Variants in STK39 observed in about 807,000 individuals in gnomAD.
STK39 encodes the protein serine/threonine kinase 39.
Under a neutral mutation model 77.8 loss-of-function variants are expected in STK39, and 20 were observed. The ratio of observed to expected loss-of-function variants is 0.26; its 90% CI spans 0.18 to 0.37. STK39 has a LOEUF of 0.37. Ranked by LOEUF, STK39 falls within the 10% of genes least tolerant of loss-of-function variation. The probability of loss-of-function intolerance (pLI) is 1.00; values close to 1 mark genes in which losing one functional copy is unlikely to be tolerated. For missense variants in STK39, 479 were observed against 656.5 expected, an observed-to-expected ratio of 0.73 and a Z score of 2.95; for synonymous variants, 246 against 234.1, an observed-to-expected ratio of 1.05 and a Z score of -0.47.
At position 168,236,567 on chromosome 2, in the gene STK39, G is replaced by C. The variant is rs868832366; in HGVS notation, c.208+10661C>G. On this transcript the variant is annotated intron_variant, in intron 1 of 17. Transcript: ENST00000355999. ...ATGGTATTGCCTAGGTTTTCTTCTA[G>C]GGTTTTTATGGTTTTAGGTCTAACA... 6.8e-4 allele frequency among the ~76,000 whole-genome samples: 103 copies of C among 151,090 alleles called. 1 individual carries two copies. Among genetic ancestry groups the C allele is most frequent in the Admixed American group, 6.6e-4 (10 of 15,160 alleles).
rs1043724051 is a variant in STK39 at position 167,993,800 on chromosome 2, ACCGTATGGTTTTCTGGTAGG to A, written c.1498+18814_1498+18833del. ...CAAAATGTTAAGAGTCAAGTTTTAC[ACCGTATGGTTTTCTGGTAGG>A]CATTGACTGCATTCATATAAAAACA... On this transcript the variant is annotated intron_variant, in intron 16 of 17. Coordinates refer to ENST00000355999, the MANE Select transcript of STK39 (RefSeq NM_013233.3). Among the ~76,000 whole-genome samples the A allele has an allele frequency of 4.9e-4, 75 of 152,322 alleles. 1 individual carries two copies. The highest frequency in any genetic ancestry group is 1.7e-3 in the African/African-American group (71 of 41,566).
chr2:168,050,622 G>A lies in STK39; in HGVS notation c.1376+12878C>T, dbSNP rs371623133. On this transcript the variant is annotated intron_variant, in intron 14 of 17. Transcript: ENST00000355999. ...GGCTTTGCAGATGGCAGAAGGAGCC[G>A]AGGGATGCAGGCTACCTCTACAAGC... Among the ~76,000 whole-genome samples the A allele has an allele frequency of 4.6e-5, 7 of 152,248 alleles. No homozygotes were observed. In the East Asian group the frequency reaches 7.7e-4, roughly 17 times the overall value.
intron 1 of STK39, among the ~76,000 whole-genome samples, chr2:168,202,612 G>C (rs1035883606): frequency 6.6e-6 from 1 of 152,060 alleles, no homozygotes; most frequent in African/African-American, 2.4e-5. Flanking sequence ...CAGATGGTTG[G>C]TCATGATGCT....
At chr2:168,158,146 T>G (rs1285916118) in intron 5 of STK39, among the ~76,000 whole-genome samples, 1 of 152,056 alleles carries the variant, frequency 6.6e-6, no homozygotes, top group African/African-American at 2.4e-5. Flanking sequence ...GAGTAGCCAC[T>G]CCCCCTTCTA....
intron 10 of STK39, among the ~76,000 whole-genome samples, chr2:168,081,683 T>A (rs112939113): frequency 0.017 from 2,564 of 152,256 alleles, 84 homozygotes; most frequent in African/African-American, 0.057. Flanking sequence ...TTTGGCTGTG[T>A]CCGCACCCAA....
chr2:168,148,960 T>C (rs1410549571), intron 5 of STK39, among the ~76,000 whole-genome samples: 2 of 152,228 alleles, frequency 1.3e-5, no homozygotes, highest in Non-Finnish European at 2.9e-5. Context: ...CCTCAAGCTT[T>C]ACCATGAGGA....
chr2:168,150,483 T>A (rs1206670099), intron 5 of STK39, among the ~76,000 whole-genome samples: 2 of 152,102 alleles, frequency 1.3e-5, no homozygotes. Flanking sequence ...TAATTTATAA[T>A]CACAATACTT....
At chr2:168,129,902 G>A in intron 8 of STK39, 144 bp from the exon 9 acceptor site, 1 of 849,770 alleles carries the variant, frequency 1.2e-6, no homozygotes, top group South Asian at 1.6e-5. Flanking sequence ...ATCATAGGCT[G>A]GCACCAAATA....
At chr2:168,121,921 T>C (rs1435005884) in intron 10 of STK39, among the ~76,000 whole-genome samples, 1 of 152,182 alleles carries the variant, frequency 6.6e-6, no homozygotes, top group Non-Finnish European at 1.5e-5. Flanking sequence ...CAACAAAAGA[T>C]ACAGATATAG....
chr2:168,010,195 T>C (rs959708676), intron 16 of STK39, among the ~76,000 whole-genome samples: 6 of 152,240 alleles, frequency 3.9e-5, no homozygotes, highest in African/African-American at 1.4e-4. Context: ...ATTATTATTT[T>C]CACTTGCTGA....
At chr2:168,055,035 A>G (rs1357636520) in intron 14 of STK39, among the ~76,000 whole-genome samples, 1 of 152,232 alleles carries the variant, frequency 6.6e-6, no homozygotes, top group Non-Finnish European at 1.5e-5. Flanking sequence ...TGAATTTTCA[A>G]CAAAGACTTG....
intron 2 of STK39, 102 bp downstream of exon 2, chr2:168,181,876 A>G: frequency 2.2e-6 from 2 of 923,502 alleles, no homozygotes; most frequent in Non-Finnish European, 3.4e-6. Context: ...AGAAATGCAT[A>G]TGTCAAAACT....
At chr2:168,153,617 G>A (rs1559122960) in intron 5 of STK39, among the ~76,000 whole-genome samples, 1 of 140,876 alleles carries the variant, frequency 7.1e-6, no homozygotes, top group African/African-American at 2.8e-5. Context: ...ACAGAGCAGG[G>A]CAGGGAATAC....
At chr2:168,069,642 T>A (rs1685888007) in intron 12 of STK39, among the ~76,000 whole-genome samples, 1 of 152,246 alleles carries the variant, frequency 6.6e-6, no homozygotes, top group Non-Finnish European at 1.5e-5. Context: ...TGGATTCCAG[T>A]CTGGACTTCT....
intron 16 of STK39, among the ~76,000 whole-genome samples, chr2:167,985,588 C>G (rs1055526693): frequency 3.3e-5 from 5 of 152,140 alleles, no homozygotes; most frequent in Non-Finnish European, 5.9e-5. Context: ...CTGGCTACAG[C>G]TTCACTACCT....
chr2:167,960,138 C>T (rs1360650697), intron 17 of STK39, among the ~76,000 whole-genome samples: 3 of 152,146 alleles, frequency 2.0e-5, no homozygotes, highest in Non-Finnish European at 2.9e-5. Context: ...TTAAAACTCC[C>T]AAGTGGAAGG....
intron 5 of STK39, among the ~76,000 whole-genome samples, chr2:168,158,011 T>C (rs1203004218): frequency 6.6e-6 from 1 of 152,188 alleles, no homozygotes; most frequent in East Asian, 1.9e-4. Flanking sequence ...CTCAAAATAG[T>C]GTCTCTCATT....
intron 10 of STK39, among the ~76,000 whole-genome samples, chr2:168,123,823 C>T (rs187778055): frequency 6.1e-5 from 9 of 146,550 alleles, no homozygotes; most frequent in East Asian, 4.0e-4. Context: ...GAGTGGAGAT[C>T]ACGCCATTGC....
chr2:168,136,723 T>C (rs575641113), intron 8 of STK39, among the ~76,000 whole-genome samples: 1 of 152,278 alleles, frequency 6.6e-6, no homozygotes, highest in Admixed American at 6.5e-5. Context: ...TGACACCAAA[T>C]TCAAGGGGAA....
Sources: allele counts gnomAD v4.1 joint callset (sites outside exome capture counted in the v4.1 genomes callset), GRCh38; gene constraint gnomAD v4.1.1; transcripts MANE v1.5; gene names NCBI Gene and HGNC (gene_info 2026-07-23, HGNC 2026-07-21).